Variants in ACTL8 observed in about 807,000 individuals in gnomAD.
The protein encoded by ACTL8 is actin-like protein 8.
ACTL8 carries 3 observed loss-of-function variants against 9.3 expected under a neutral mutation model. That is an observed-to-expected ratio of 0.32 (90% CI 0.15 to 0.83). The LOEUF is 0.83. ACTL8 is among the 40% of genes least tolerant of loss of function. ACTL8 has a pLI of 0.57. For synonymous variants in ACTL8, 224 were observed against 205.9 expected, an observed-to-expected ratio of 1.09 and a Z score of -0.75; for missense variants, 381 against 492.2, an observed-to-expected ratio of 0.77 and a Z score of 2.14.
At chr1:17,789,537 C>T (rs2066222948) in intron 1 of ACTL8, among the ~76,000 whole-genome samples, 2 of 152,154 alleles carry the variant, frequency 1.3e-5, no homozygotes, top group Admixed American at 1.3e-4. Context: ...GGTGGTGTCC[C>T]CAGCACTTAG....
chr1:17,798,708 T>C (rs1486988363), intron 1 of ACTL8, among the ~76,000 whole-genome samples: 3 of 152,216 alleles, frequency 2.0e-5, no homozygotes, highest in Non-Finnish European at 2.9e-5. Context: ...GTAAAACAAG[T>C]TCATGTCATT....
chr1:17,806,446 C>G (rs1255219206), intron 1 of ACTL8, among the ~76,000 whole-genome samples: 1 of 152,228 alleles, frequency 6.6e-6, no homozygotes, highest in African/African-American at 2.4e-5. Flanking sequence ...AACCCGGTTG[C>G]TCTTTAAGAG....
intron 1 of ACTL8, among the ~76,000 whole-genome samples, chr1:17,802,452 T>C (rs2066328426): frequency 6.8e-6 from 1 of 147,544 alleles, no homozygotes; most frequent in Non-Finnish European, 1.5e-5. Flanking sequence ...TGTGTGTGTG[T>C]TGGAGGGCAG....
chr1:17,759,301 C>T (rs969465887), intron 1 of ACTL8, among the ~76,000 whole-genome samples: 2 of 152,254 alleles, frequency 1.3e-5, no homozygotes, highest in African/African-American at 4.8e-5. Flanking sequence ...GCAGCAGGGA[C>T]CTTCTGCTTC....
intron 1 of ACTL8, among the ~76,000 whole-genome samples, chr1:17,806,523 CTGG>C (rs1557442935): frequency 6.6e-6 from 1 of 152,212 alleles, no homozygotes; most frequent in Non-Finnish European, 1.5e-5. Context: ...CCAGCTGCTG[CTGG>C]GAGTGGGACT....
chr1:17,803,663 C>T (rs260517), intron 1 of ACTL8, among the ~76,000 whole-genome samples: 15 of 152,264 alleles, frequency 9.9e-5, no homozygotes, highest in African/African-American at 2.6e-4. Context: ...AGCATGAGGA[C>T]GGACTAATAC....
chr1:17,815,198 A>G (rs898455290), intron 1 of ACTL8, among the ~76,000 whole-genome samples: 28 of 152,236 alleles, frequency 1.8e-4, no homozygotes, highest in Admixed American at 1.2e-3. Flanking sequence ...CAATGGCCAT[A>G]CATATTTTGG....
intron 1 of ACTL8, among the ~76,000 whole-genome samples, chr1:17,783,830 A>AAGGGG (rs2066175295): frequency 6.6e-6 from 1 of 152,234 alleles, no homozygotes; most frequent in African/African-American, 2.4e-5. Flanking sequence ...AGTTGGTGTA[A>AAGGGG]AGGGGATATC....
At chr1:17,785,337 C>T (rs2066189343) in intron 1 of ACTL8, among the ~76,000 whole-genome samples, 1 of 152,216 alleles carries the variant, frequency 6.6e-6, no homozygotes, top group Non-Finnish European at 1.5e-5. Context: ...AGCAGCTGGC[C>T]TGGCATACTG....
intron 1 of ACTL8, among the ~76,000 whole-genome samples, chr1:17,821,816 G>A (rs2053662677): frequency 1.3e-5 from 2 of 152,086 alleles, no homozygotes; most frequent in Admixed American, 1.3e-4. Flanking sequence ...AGTAGAGATG[G>A]GGTTTCATCA....
intron 1 of ACTL8, among the ~76,000 whole-genome samples, chr1:17,809,786 ATGG>A (rs2066382567): frequency 6.6e-6 from 1 of 152,042 alleles, no homozygotes; most frequent in African/African-American, 2.4e-5. Context: ...ATTCTACATG[ATGG>A]TGATTTGTAT....
Position 17,823,104 on chromosome 1 carries a change from C to T in ACTL8, c.96C>T (p.Ile32=), listed in dbSNP as rs774216868. ...WNEPQMVFPN[I]VNYLPCKENP... is the part of the protein sequence containing the mutation. ...AGCCTCAGATGGTCTTCCCGAACAT[C>T]GTGAACTACCTACCGTGCAAGGAGA... The change falls in exon 2 of 3, where the codon ATC becomes ATT. Residue 32 remains isoleucine (I), a synonymous_variant. Transcript: ENST00000375406. This position sits in a 1 kb window ranked among gnomAD's most constrained non-coding sequence, Gnocchi z 5.3. 65 of 1,614,098 alleles carry T rather than the reference C, an allele frequency of 4.0e-5. No homozygotes were observed. Among genetic ancestry groups the T allele is most frequent in the Non-Finnish European group, 5.2e-5 (61 of 1,180,050 alleles).
chr1:17,770,820 G>A (rs1189130235), intron 1 of ACTL8, among the ~76,000 whole-genome samples: 1 of 152,214 alleles, frequency 6.6e-6, no homozygotes, highest in African/African-American at 2.4e-5. Context: ...CACTGAGATT[G>A]TGGTGCTGAT....
At chr1:17,766,783 A>G (rs1408443581) in intron 1 of ACTL8, among the ~76,000 whole-genome samples, 1 of 152,000 alleles carries the variant, frequency 6.6e-6, no homozygotes, top group Non-Finnish European at 1.5e-5. Flanking sequence ...TGCCATATAA[A>G]TCATCTAGAA....
intron 1 of ACTL8, among the ~76,000 whole-genome samples, chr1:17,785,689 A>G (rs960610582): frequency 2.9e-4 from 44 of 152,108 alleles, no homozygotes; most frequent in African/African-American, 8.2e-4. Flanking sequence ...CTTCATCTCA[A>G]TCTTCACTTC....
intron 1 of ACTL8, among the ~76,000 whole-genome samples, chr1:17,807,703 A>G (rs978114348): frequency 1.1e-4 from 16 of 152,178 alleles, no homozygotes; most frequent in Non-Finnish European, 1.9e-4. Flanking sequence ...AGGGACATGG[A>G]TGAAGCTGGA....
intron 1 of ACTL8, among the ~76,000 whole-genome samples, chr1:17,768,663 C>T (rs537235674): frequency 3.9e-5 from 6 of 152,254 alleles, no homozygotes; most frequent in South Asian, 2.1e-4. Flanking sequence ...CACAGTGATC[C>T]GGCTGGGCCT....
chr1:17,816,622 C>A (rs983562377), intron 1 of ACTL8, among the ~76,000 whole-genome samples: 4 of 152,202 alleles, frequency 2.6e-5, no homozygotes, highest in African/African-American at 9.7e-5. Context: ...TCAGTCACCC[C>A]TGTTGCACGC....
intron 1 of ACTL8, among the ~76,000 whole-genome samples, chr1:17,786,300 C>T (rs1206205723): frequency 1.3e-5 from 2 of 152,236 alleles, no homozygotes; most frequent in African/African-American, 4.8e-5. Context: ...CTCACCCACC[C>T]TCAAGGGGAG....
Sources: gnomAD v4.1 joint callset for allele counts (sites outside exome capture counted in the v4.1 genomes callset) on GRCh38, gnomAD v4.1.1 for gene constraint, Gnocchi (gnomAD v3.1) non-coding constraint, MANE v1.5 for transcripts, NCBI Gene and HGNC (gene_info 2026-07-23, HGNC 2026-07-21) for gene names.